Variants in TRAPPC9 observed in about 807,000 individuals in gnomAD.
TRAPPC9 encodes the protein trafficking protein particle complex subunit 9.
In TRAPPC9, 83 loss-of-function variants were observed where a neutral mutation model predicts 124.0. That is an observed-to-expected ratio of 0.67 (90% confidence interval 0.56 to 0.80). The LOEUF is 0.80. Among genes scored for constraint, TRAPPC9 ranks in the 30% least tolerant of loss-of-function variants. The probability of loss-of-function intolerance (pLI) is 0.00; values close to 1 mark genes in which losing one functional copy is unlikely to be tolerated. For synonymous variants in TRAPPC9, 638 were observed against 617.5 expected (o/e 1.03, Z -0.49); for missense variants, 1,302 against 1,508.3 (o/e 0.86, Z 2.27).
chr8:139,909,703 T>C (rs1831584693), intron 20 of TRAPPC9, among the ~76,000 whole-genome samples: 1 of 152,230 alleles, frequency 6.6e-6, no homozygotes, highest in African/African-American at 2.4e-5. Flanking sequence ...ACAATCCTTC[T>C]GAAAACTCTC....
intron 7 of TRAPPC9, among the ~76,000 whole-genome samples, chr8:140,386,512 T>C (rs1404293222): frequency 2.0e-5 from 3 of 152,128 alleles, no homozygotes; most frequent in Admixed American, 6.5e-5. Flanking sequence ...AGCATTCCTA[T>C]ACACCAATAA....
At position 139,922,087 on chromosome 8, in the gene TRAPPC9, C is replaced by T. The variant is rs551591984; in HGVS notation, c.2811-11787G>A. 3.9e-4 allele frequency among the ~76,000 whole-genome samples: 60 copies of T among 152,232 alleles called. 1 individual carries two copies. The highest frequency in any genetic ancestry group is 7.4e-4 in the Non-Finnish European group (50 of 68,010). ...AACAGAAGAAAGTAAAGAACGTTAA[C>T]TATAGAGAGTGAGAATATTTACTGT... On this transcript the variant is annotated intron_variant, in intron 19 of 22. Transcript: ENST00000438773.
intron 21 of TRAPPC9, among the ~76,000 whole-genome samples, chr8:139,839,384 AG>A (rs1328274300): frequency 3.3e-5 from 5 of 152,222 alleles, no homozygotes; most frequent in Non-Finnish European, 7.3e-5. Flanking sequence ...GCCCCAGGGC[AG>A]GGATGGCTTT....
At chr8:140,113,194 C>T (rs1486497029) in intron 17 of TRAPPC9, among the ~76,000 whole-genome samples, 5 of 152,168 alleles carry the variant, frequency 3.3e-5, no homozygotes, top group African/African-American at 1.2e-4. Flanking sequence ...TGTGAAGTTT[C>T]GACAAATAGA....
intron 18 of TRAPPC9, among the ~76,000 whole-genome samples, chr8:140,010,312 G>A (rs868074678): frequency 1.3e-5 from 2 of 152,090 alleles, no homozygotes; most frequent in South Asian, 4.1e-4. Flanking sequence ...GGAAATCAAG[G>A]AGAACACATG....
intron 19 of TRAPPC9, among the ~76,000 whole-genome samples, chr8:139,963,295 C>A (rs1835462720): frequency 6.6e-6 from 1 of 152,192 alleles, no homozygotes; most frequent in South Asian, 2.1e-4. Flanking sequence ...AATGCTGCGT[C>A]TGCCTCCTTC....
chr8:140,287,872 C>T (rs2065537572), intron 12 of TRAPPC9, 138 bp from the exon 13 acceptor site: 17 of 1,261,884 alleles, frequency 1.3e-5, no homozygotes, highest in East Asian at 2.4e-5. Context: ...CAGAGAACTT[C>T]GGAGACAGTG....
At chr8:140,108,424 A>G (rs910080113) in intron 17 of TRAPPC9, among the ~76,000 whole-genome samples, 11 of 152,184 alleles carry the variant, frequency 7.2e-5, no homozygotes, top group African/African-American at 2.7e-4. Context: ...AGCTCTGCAC[A>G]ATTCCCAGCA....
At chr8:139,810,957 T>C (rs571907065) in intron 21 of TRAPPC9, among the ~76,000 whole-genome samples, 4 of 152,276 alleles carry the variant, frequency 2.6e-5, no homozygotes, top group African/African-American at 9.6e-5. Context: ...CCATCTACTT[T>C]AGGGCCTCAT....
At chr8:140,437,212 T>C (rs1395999808) in intron 3 of TRAPPC9, among the ~76,000 whole-genome samples, 2 of 152,124 alleles carry the variant, frequency 1.3e-5, no homozygotes, top group African/African-American at 4.8e-5. Context: ...CTCCACCCAG[T>C]TAATGTTTTT....
At chr8:140,452,464 C>G (rs2132714373) in intron 1 of TRAPPC9, among the ~76,000 whole-genome samples, 1 of 151,324 alleles carries the variant, frequency 6.6e-6, no homozygotes, top group East Asian at 1.9e-4. Flanking sequence ...AAGAACTTGC[C>G]TTATAAAACT....
chr8:140,023,087 A>G (rs1839914339), intron 18 of TRAPPC9, among the ~76,000 whole-genome samples: 1 of 152,186 alleles, frequency 6.6e-6, no homozygotes, highest in African/African-American at 2.4e-5. Context: ...AAGCATTTAA[A>G]TAATACCCAT....
chr8:140,060,636 G>A (rs1483280011), intron 17 of TRAPPC9, among the ~76,000 whole-genome samples: 2 of 133,476 alleles, frequency 1.5e-5, no homozygotes, highest in Non-Finnish European at 3.1e-5. Context: ...ACCCATCCCT[G>A]CCCACGGGCA....
intron 7 of TRAPPC9, among the ~76,000 whole-genome samples, chr8:140,386,285 C>T (rs1474992044): frequency 6.6e-6 from 1 of 152,174 alleles, no homozygotes; most frequent in Admixed American, 6.5e-5. Flanking sequence ...TCTCACCACT[C>T]CTATTCAACA....
At chr8:140,317,453 T>C (rs1426192613) in intron 9 of TRAPPC9, among the ~76,000 whole-genome samples, 1 of 152,246 alleles carries the variant, frequency 6.6e-6, no homozygotes. Context: ...GGCCTAGAAT[T>C]AAATCACTTC....
At chr8:139,997,340 GCA>G (rs1482493514) in intron 18 of TRAPPC9, among the ~76,000 whole-genome samples, 3 of 151,158 alleles carry the variant, frequency 2.0e-5, no homozygotes. Context: ...CCTACACAGG[GCA>G]GACAACGCAT....
chr8:140,036,782 T>G (rs986628402), intron 17 of TRAPPC9, among the ~76,000 whole-genome samples: 8 of 152,174 alleles, frequency 5.3e-5, no homozygotes, highest in African/African-American at 1.9e-4. Flanking sequence ...CTGGGGTTCC[T>G]TGGAAGCTAA....
At chr8:139,966,816 T>C (rs928739072) in intron 19 of TRAPPC9, among the ~76,000 whole-genome samples, 10 of 152,216 alleles carry the variant, frequency 6.6e-5, no homozygotes, top group African/African-American at 2.2e-4. Context: ...AGGTTTCAGA[T>C]GGTCATTTCG....
chr8:140,346,586 C>A (rs1202849132), intron 9 of TRAPPC9, among the ~76,000 whole-genome samples: 2 of 152,154 alleles, frequency 1.3e-5, no homozygotes, highest in African/African-American at 4.8e-5. Context: ...TTTTCACTGT[C>A]CAATTCACTC....
Sources: gnomAD v4.1 joint callset for allele counts (sites outside exome capture counted in the v4.1 genomes callset) on GRCh38, gnomAD v4.1.1 for gene constraint, MANE v1.5 for transcripts, NCBI Gene and HGNC (gene_info 2026-07-23, HGNC 2026-07-21) for gene names.